The following GABRB2 variants were observed in gnomAD, a reference collection of about 807,000 sequenced individuals.
GABRB2 encodes gamma-aminobutyric acid receptor subunit beta-2.
GABRB2 carries 16 observed loss-of-function variants against 54.7 expected under a neutral mutation model. That is an observed-to-expected ratio of 0.29 (90% CI 0.20 to 0.44). The LOEUF is 0.44. Among genes scored for constraint, GABRB2 ranks in the 20% least tolerant of loss-of-function variants. GABRB2 has a pLI of 1.00. For missense variants in GABRB2, 355 were observed against 644.0 expected, an observed-to-expected ratio of 0.55 and a Z score of 4.86; for synonymous variants, 244 against 233.8, an observed-to-expected ratio of 1.04 and a Z score of -0.40.
At chr5:161,324,988 C>T (rs1303938157) in intron 9 of GABRB2, among the ~76,000 whole-genome samples, 1 of 152,022 alleles carries the variant, frequency 6.6e-6, no homozygotes, top group Non-Finnish European at 1.5e-5. Flanking sequence ...AGCAAATTTT[C>T]AAAAATATCC....
At chr5:161,540,629 T>C (rs1302865927) in intron 3 of GABRB2, among the ~76,000 whole-genome samples, 1 of 151,970 alleles carries the variant, frequency 6.6e-6, no homozygotes, top group Non-Finnish European at 1.5e-5. Flanking sequence ...ATGGTAACTA[T>C]AGCCTTACTA....
intron 3 of GABRB2, among the ~76,000 whole-genome samples, chr5:161,520,918 G>C (rs1561680705): frequency 1.3e-5 from 2 of 152,046 alleles, no homozygotes; most frequent in East Asian, 1.9e-4. Context: ...ATCAATAGTT[G>C]CTGCAATACA....
At chr5:161,459,040 G>T (rs766432723) in intron 4 of GABRB2, 2 of 152,300 alleles carry the variant, frequency 1.3e-5, no homozygotes, top group Non-Finnish European at 2.9e-5. Flanking sequence ...AACTTTAAAA[G>T]AAAAACTATC....
intron 3 of GABRB2, among the ~76,000 whole-genome samples, chr5:161,476,186 T>C (rs1159761741): frequency 6.6e-6 from 1 of 151,820 alleles, no homozygotes; most frequent in African/African-American, 2.4e-5. Flanking sequence ...ACAACTTCAT[T>C]TACAATAGTA....
rs202143262 is a variant in GABRB2, at chr5:161,349,475, C to T, written c.542-12706G>A. On this transcript the variant is annotated intron_variant, in intron 5 of 9. Coordinates refer to ENST00000393959, the MANE Select transcript of GABRB2 (RefSeq NM_001371727.1). Reference sequence around the variant, plus strand: ...TATATGTACACAAATTCTTTGATAGCCCACAAATGGTGGAGCTTAATTCCC... The same window carrying T: ...TATATGTACACAAATTCTTTGATAGTCCACAAATGGTGGAGCTTAATTCCC... 2.0e-4 allele frequency among the ~76,000 whole-genome samples: 30 copies of T among 152,148 alleles called. 1 individual carries two copies. The East Asian group carries it at 5.4e-3, about 28-fold the overall frequency.
At chr5:161,312,018 TTGTGTGTGTG>T (rs3222105) in intron 9 of GABRB2, among the ~76,000 whole-genome samples, 2 of 148,944 alleles carry the variant, frequency 1.3e-5, no homozygotes, top group African/African-American at 4.9e-5. Context: ...CAGTAATGTT[TTGTGTGTGTG>T]TGTGTGTGTG....
At chr5:161,523,916 G>A (rs2113437941) in intron 3 of GABRB2, among the ~76,000 whole-genome samples, 1 of 151,398 alleles carries the variant, frequency 6.6e-6, no homozygotes, top group East Asian at 1.9e-4. Context: ...ATTTCTGAAG[G>A]AAACAATAAT....
chr5:161,496,733 A>C (rs1476808711), intron 3 of GABRB2, among the ~76,000 whole-genome samples: 1 of 152,114 alleles, frequency 6.6e-6, no homozygotes, highest in Non-Finnish European at 1.5e-5. Context: ...TCTGCAGAGT[A>C]GTTACTTCAG....
At chr5:161,488,228 G>GTTT (rs72084883) in intron 3 of GABRB2, among the ~76,000 whole-genome samples, 1 of 141,090 alleles carries the variant, frequency 7.1e-6, no homozygotes, top group Non-Finnish European at 1.6e-5. Context: ...TTTGCTTTTA[G>GTTT]TTTTTTTTTT....
intron 5 of GABRB2, among the ~76,000 whole-genome samples, chr5:161,401,064 C>T (rs981610670): frequency 8.5e-5 from 13 of 152,108 alleles, no homozygotes; most frequent in Non-Finnish European, 1.5e-4. Context: ...AAAGTCTTGA[C>T]CACTGCCAGG....
chr5:161,538,042 C>G (rs1048787521), intron 3 of GABRB2, among the ~76,000 whole-genome samples: 4 of 152,024 alleles, frequency 2.6e-5, no homozygotes, highest in African/African-American at 4.8e-5. Context: ...CTGTGTATAT[C>G]CTCTTTCAAA....
chr5:161,463,600 T>TATAC (rs1561659609), intron 3 of GABRB2, among the ~76,000 whole-genome samples: 3 of 103,332 alleles, frequency 2.9e-5, no homozygotes, highest in African/African-American at 1.1e-4. Context: ...TATATATATA[T>TATAC]GAAAGAGAAT....
At chr5:161,436,221 A>G (rs987180199) in intron 4 of GABRB2, among the ~76,000 whole-genome samples, 2 of 152,132 alleles carry the variant, frequency 1.3e-5, no homozygotes, top group South Asian at 4.1e-4. Flanking sequence ...ATAACTACTC[A>G]AGAAACATGA....
intron 9 of GABRB2, among the ~76,000 whole-genome samples, chr5:161,319,834 A>G (rs1299279538): frequency 1.3e-5 from 2 of 151,420 alleles, no homozygotes; most frequent in Admixed American, 6.6e-5. Context: ...TTTTCTGTCA[A>G]TTTTGTTAAG....
chr5:161,439,957 A>T (rs1757418134), intron 4 of GABRB2, among the ~76,000 whole-genome samples: 1 of 151,884 alleles, frequency 6.6e-6, no homozygotes, highest in South Asian at 2.1e-4. Flanking sequence ...CACATCTAGC[A>T]CATGTACTCT....
intron 7 of GABRB2, among the ~76,000 whole-genome samples, chr5:161,332,469 G>C (rs1034272153): frequency 2.6e-5 from 4 of 152,150 alleles, no homozygotes; most frequent in Non-Finnish European, 5.9e-5. Flanking sequence ...GGCTGTAATT[G>C]TTTGTCCTGT....
At position 161,292,153 on chromosome 5, in the gene GABRB2, T is replaced by C. The variant is rs533884415; in HGVS notation, c.*1928A>G. 6.6e-6 allele frequency: 1 copy of C among 152,300 alleles called. No homozygotes were observed. Among genetic ancestry groups the C allele is most frequent in the South Asian group, 2.1e-4 (1 of 4,824 alleles). The allele number at this position is 152,300 out of a possible 1,614,324, so 9.4% of individuals were successfully genotyped here. ...AATTCAGAAAGCTGAAGGATAAAGG[T>C]TTGTTGTTGTTCTTGGACAGCTGGA... On this transcript the variant is annotated 3_prime_UTR_variant, in exon 10 of 10. Transcript: ENST00000393959.
intron 5 of GABRB2, among the ~76,000 whole-genome samples, chr5:161,382,586 T>C (rs530017628): frequency 3.9e-5 from 6 of 152,308 alleles, no homozygotes; most frequent in Admixed American, 3.9e-4. Flanking sequence ...CCTGATTCCC[T>C]GTGTCTTGCT....
Position 161,291,996 on chromosome 5 carries a change from C to G in GABRB2, c.*2085G>C, listed in dbSNP as rs1205944369. 6.6e-6 allele frequency: 1 copy of G among 152,128 alleles called. No individual in the cohort carries two copies. The highest frequency in any genetic ancestry group is 2.4e-5 in the African/African-American group (1 of 41,440). The allele number at this position is 152,128 out of a possible 1,614,324, so 9.4% of individuals were successfully genotyped here. A position where few individuals can be genotyped will look rare whatever the true frequency, so the allele number is the denominator to read the frequency against. ...AAACATGAGGAATCTCTACTCTGAG[C>G]CTGTGAGAAGAATCTTGGTCAGATT... is the stretch of plus-strand genomic sequence containing the variant. On this transcript the variant is annotated 3_prime_UTR_variant, in exon 10 of 10. Coordinates refer to ENST00000393959, the MANE Select transcript of GABRB2 (RefSeq NM_001371727.1).
Sources: gnomAD v4.1 joint callset for allele counts (sites outside exome capture counted in the v4.1 genomes callset) on GRCh38, gnomAD v4.1.1 for gene constraint, MANE v1.5 for transcripts, NCBI Gene and HGNC (gene_info 2026-07-23, HGNC 2026-07-21) for gene names.